The following LYPLA1 variants were observed in gnomAD, a reference collection of about 807,000 sequenced individuals.
LYPLA1 encodes acyl-protein thioesterase 1.
LYPLA1 carries 17 observed loss-of-function variants against 34.0 expected under a neutral mutation model. That is an observed-to-expected ratio of 0.50 (90% CI 0.34 to 0.75). LYPLA1 has a LOEUF of 0.75. LYPLA1 is among the 30% of genes least tolerant of loss of function. LYPLA1 has a pLI of 0.01. For synonymous variants in LYPLA1, 98 were observed against 100.8 expected, an observed-to-expected ratio of 0.97 and a Z score of 0.17; for missense variants, 203 against 288.8, an observed-to-expected ratio of 0.70 and a Z score of 2.15.
chr8:54,083,496 A>T (rs1310684350), intron 2 of LYPLA1, among the ~76,000 whole-genome samples: 4 of 152,228 alleles, frequency 2.6e-5, no homozygotes. Flanking sequence ...ATATCAAGAA[A>T]TATTAAACAA....
chr8:54,061,102 CAG>C (rs967372041), intron 5 of LYPLA1, among the ~76,000 whole-genome samples: 4 of 150,352 alleles, frequency 2.7e-5, no homozygotes, highest in Admixed American at 1.3e-4. Context: ...TTTTTTGAGA[CAG>C]AGTTTCATTC....
intron 2 of LYPLA1, among the ~76,000 whole-genome samples, chr8:54,084,582 G>A (rs746291782): frequency 2.6e-5 from 4 of 151,978 alleles, no homozygotes; most frequent in Non-Finnish European, 5.9e-5. Flanking sequence ...AAAAAAAAGA[G>A]AGAGACTATC....
intron 6 of LYPLA1, chr8:54,053,761 C>A: frequency 2.2e-6 from 1 of 456,078 alleles, no homozygotes. Flanking sequence ...AACAGACAAG[C>A]AAAGAAACAA....
downstream of LYPLA1, chr8:54,045,074 T>A (rs1305184478): frequency 6.6e-6 from 1 of 152,226 alleles, no homozygotes; most frequent in East Asian, 1.9e-4. Flanking sequence ...TCCTGGCTCT[T>A]GCACATTAAT....
intron 2 of LYPLA1, among the ~76,000 whole-genome samples, chr8:54,089,319 G>A (rs953579689): frequency 1.3e-5 from 2 of 150,500 alleles, no homozygotes; most frequent in Non-Finnish European, 3.0e-5. Flanking sequence ...AATATATTTT[G>A]AGAGAGAGAT....
In LYPLA1 at chr8:54,062,292, T is replaced by C. The variant is rs1806701364; in HGVS notation, c.248A>G (p.Gln83Arg). Reference protein sequence around the residue: ...FDIIGLSPDSQEDESGIKQAA... With the variant: ...FDIIGLSPDSREDESGIKQAA... ...CTGTTTAATCCCAGATTCATCCTCC[T>C]GTGAATCTGGTGAAAGCCCAATAAT... The change falls in exon 5 of 9, where the codon CAG becomes CGG. Residue 83 changes from glutamine to arginine, a missense_variant. Physicochemically the swap from Gln to Arg is conservative, Grantham distance 43. Coordinates refer to ENST00000316963, the MANE Select transcript of LYPLA1 (RefSeq NM_006330.4). 1 of 1,607,252 alleles carries C rather than the reference T, an allele frequency of 6.2e-7. No individual in the cohort carries two copies. The highest frequency in any genetic ancestry group is 1.1e-5 in the South Asian group (1 of 89,904).
At chr8:54,094,473 G>A (rs1228177783) in intron 2 of LYPLA1, among the ~76,000 whole-genome samples, 1 of 152,188 alleles carries the variant, frequency 6.6e-6, no homozygotes, top group African/African-American at 2.4e-5. Context: ...TACAAATATG[G>A]AAAGGGAGAA....
At chr8:54,073,471 A>G (rs1807653610) in intron 2 of LYPLA1, 1 of 763,582 alleles carries the variant, frequency 1.3e-6, no homozygotes, top group South Asian at 1.4e-5. Flanking sequence ...CTTGTGATGT[A>G]TGGCATCTCA....
Position 54,072,480 on chromosome 8 carries a change from T to C in LYPLA1, c.102-6667A>G, listed in dbSNP as rs1470759441. Among the ~76,000 whole-genome samples the C allele has an allele frequency of 2.3e-4, 35 of 152,072 alleles. 1 individual carries two copies. Among genetic ancestry groups the C allele is most frequent in the Non-Finnish European group, 2.9e-5 (2 of 67,996 alleles). On this transcript the variant is annotated intron_variant, in intron 2 of 8. Transcript: ENST00000316963. ...CAGATGGAAGAAAATATATGCAAAC[T>C]GCGCACCCAACAAAGGTCTAATATC... is the stretch of plus-strand genomic sequence containing the variant.
intron 2 of LYPLA1, among the ~76,000 whole-genome samples, chr8:54,084,299 G>A (rs954661459): frequency 2.2e-4 from 34 of 151,904 alleles, no homozygotes; most frequent in African/African-American, 6.8e-4. Context: ...AGGCCGGCGC[G>A]GTGGCTCACG....
intron 1 of LYPLA1, chr8:54,101,219 ATC>A: frequency 1.6e-6 from 1 of 629,068 alleles, no homozygotes; most frequent in Non-Finnish European, 2.3e-6. Flanking sequence ...AAAACAGTTT[ATC>A]TCTTTCAAGT....
intron 2 of LYPLA1, among the ~76,000 whole-genome samples, chr8:54,089,112 A>G (rs867408151): frequency 1.3e-5 from 2 of 152,362 alleles, no homozygotes; most frequent in Admixed American, 6.5e-5. Context: ...GATGTTGAAC[A>G]TATTCTGGAA....
At chr8:54,072,685 C>T (rs1438775478) in intron 2 of LYPLA1, among the ~76,000 whole-genome samples, 1 of 151,698 alleles carries the variant, frequency 6.6e-6, no homozygotes, top group Non-Finnish European at 1.5e-5. Context: ...AGACACTTTT[C>T]AAAAGACAGG....
intron 7 of LYPLA1, among the ~76,000 whole-genome samples, chr8:54,051,789 T>C (rs1465008478): frequency 6.6e-6 from 1 of 151,664 alleles, no homozygotes; most frequent in African/African-American, 2.4e-5. Flanking sequence ...TTTTCAGCTT[T>C]TTTTTGTTTG....
chr8:54,078,886 CCTTT>C (rs925781847), intron 2 of LYPLA1, among the ~76,000 whole-genome samples: 16 of 148,456 alleles, frequency 1.1e-4, no homozygotes, highest in Admixed American at 2.0e-4. Flanking sequence ...CAACCCCCCC[CCTTT>C]TTTTTTGCTT....
intron 4 of LYPLA1, 25 bp from the exon 5 acceptor site, chr8:54,062,349 G>C (rs769374810): frequency 4.7e-6 from 7 of 1,487,132 alleles, no homozygotes; most frequent in Non-Finnish European, 4.6e-6. Context: ...AAAATCTTTT[G>C]ATTCTAAGAA....
At chr8:54,067,707 T>G (rs1807171168) in intron 2 of LYPLA1, among the ~76,000 whole-genome samples, 1 of 151,260 alleles carries the variant, frequency 6.6e-6, no homozygotes, top group Admixed American at 6.6e-5. Flanking sequence ...TTTTTTTTTT[T>G]TTTTTTGAGA....
At chr8:54,063,042 G>C (rs565602681) in intron 4 of LYPLA1, among the ~76,000 whole-genome samples, 103 of 152,244 alleles carry the variant, frequency 6.8e-4, no homozygotes, top group African/African-American at 2.3e-3. Flanking sequence ...TTTAATAGGG[G>C]TCATTCGAAT....
At position 54,063,319 on chromosome 8, in the gene LYPLA1, C is replaced by A. The variant is rs1319491897; in HGVS notation, c.215+9G>T. On this transcript the variant is annotated intron_variant, in intron 4 of 8. Transcript: ENST00000316963. ...AATGTTCTTATTCAATAAGTAAATTCTTACTTACCATGAAGGCATAGCCAC... is the reference window on the plus strand; with the variant it reads ...AATGTTCTTATTCAATAAGTAAATTATTACTTACCATGAAGGCATAGCCAC... 11 of 1,460,852 alleles carry A rather than the reference C, an allele frequency of 7.5e-6. No individual in the cohort carries two copies. Among genetic ancestry groups the A allele is most frequent in the Non-Finnish European group, 1.0e-5 (11 of 1,081,474 alleles). The allele number at this position is 1,460,852 out of a possible 1,614,324, so 90.5% of individuals were successfully genotyped here.
Sources: gnomAD v4.1 joint callset for allele counts (sites outside exome capture counted in the v4.1 genomes callset) on GRCh38, gnomAD v4.1.1 for gene constraint, MANE v1.5 for transcripts, NCBI Gene and HGNC (gene_info 2026-07-23, HGNC 2026-07-21) for gene names.